OPHN1: variants seen among roughly 807,000 people sequenced by gnomAD.
OPHN1 encodes the protein oligophrenin 1.
Under a neutral mutation model 60.7 loss-of-function variants are expected in OPHN1, and 11 were observed. The observed-to-expected ratio is 0.18, with a 90% confidence interval of 0.11 to 0.30. OPHN1 has a LOEUF of 0.30. OPHN1 is among the 10% of genes least tolerant of loss of function. The probability of loss-of-function intolerance (pLI) is 1.00; values close to 1 mark genes in which losing one functional copy is unlikely to be tolerated. For missense variants in OPHN1, 449 were observed against 611.0 expected, an observed-to-expected ratio of 0.73 and a Z score of 2.80; for synonymous variants, 226 against 222.6, an observed-to-expected ratio of 1.02 and a Z score of -0.14.
intron 2 of OPHN1, among the ~76,000 whole-genome samples, chrX:68,397,714 G>C (rs1167343280): frequency 1.9e-5 from 2 of 107,226 alleles, no homozygotes; most frequent in Non-Finnish European, 3.8e-5. Flanking sequence ...GTAGGGACAG[G>C]GTTTCACCAC....
intron 15 of OPHN1, among the ~76,000 whole-genome samples, chrX:68,137,866 G>A (rs1196385334): frequency 3.6e-5 from 4 of 111,542 alleles, no homozygotes; most frequent in Non-Finnish European, 7.5e-5. Flanking sequence ...GTGCAGCATA[G>A]AAAGGTATAC....
intron 15 of OPHN1, among the ~76,000 whole-genome samples, chrX:68,181,741 T>C (rs1014599657): frequency 9.0e-6 from 1 of 111,641 alleles, no homozygotes; most frequent in African/African-American, 3.3e-5. Flanking sequence ...GGCAGGAGAA[T>C]TGCTTGAACC....
At chrX:68,215,115 G>T (rs1413287344) in intron 6 of OPHN1, among the ~76,000 whole-genome samples, 1 of 111,891 alleles carries the variant, frequency 8.9e-6, no homozygotes, top group Non-Finnish European at 1.9e-5. Context: ...GTAGCAGGCA[G>T]ATGAAAACTG....
intron 2 of OPHN1, among the ~76,000 whole-genome samples, chrX:68,366,448 C>T (rs779897657): frequency 1.2e-4 from 13 of 110,788 alleles, no homozygotes; most frequent in Non-Finnish European, 2.5e-4. Flanking sequence ...CCCACCTCAG[C>T]CTCCCAAGTA....
chrX:68,083,770 C>CT (rs781296030), intron 19 of OPHN1, among the ~76,000 whole-genome samples: 1 of 111,652 alleles, frequency 9.0e-6, no homozygotes, highest in Admixed American at 9.5e-5. Context: ...ACTTAGAGGC[C>CT]TTTGTCGGGT....
intron 20 of OPHN1, chrX:68,070,786 C>T (rs1201794879): frequency 3.5e-6 from 4 of 1,157,309 alleles, no homozygotes; most frequent in Non-Finnish European, 4.7e-6. Flanking sequence ...CTGCTTAGCC[C>T]AAGTGACAGT....
At chrX:68,377,096 ATT>A (rs35459211) in intron 2 of OPHN1, among the ~76,000 whole-genome samples, 126 of 83,503 alleles carry the variant, frequency 1.5e-3, no homozygotes, top group African/African-American at 4.3e-3. Context: ...CATGCAGCTA[ATT>A]TTTTTTTTTT....
At position 68,169,126 on chromosome X, in the gene OPHN1, T is replaced by C. The variant is rs182073148; in HGVS notation, c.1276+23793A>G. Among the ~76,000 whole-genome samples, 535 of 111,450 alleles carry C rather than the reference T, an allele frequency of 4.8e-3. 2 individuals carry two copies. Among genetic ancestry groups the C allele is most frequent in the Non-Finnish European group, 8.3e-3 (442 of 53,047 alleles). On this transcript the variant is annotated intron_variant, in intron 15 of 24. Coordinates refer to ENST00000355520, the MANE Select transcript of OPHN1 (RefSeq NM_002547.3). ...CTTGCAAAAATCACAAGCATTCTTA[T>C]ACACCAATAACAGACAAACAGAGAG...
chrX:68,406,483 G>A (rs1024491500), intron 2 of OPHN1, among the ~76,000 whole-genome samples: 1 of 109,780 alleles, frequency 9.1e-6, no homozygotes, highest in East Asian at 2.9e-4. Context: ...ATAGTGGCGG[G>A]CACCTGTAAT....
intron 2 of OPHN1, among the ~76,000 whole-genome samples, chrX:68,316,604 A>G (rs1311567702): frequency 9.0e-6 from 1 of 111,349 alleles, no homozygotes; most frequent in Non-Finnish European, 1.9e-5. Flanking sequence ...CCAGCCACGC[A>G]CATTACTTGG....
At chrX:68,244,896 GAAGTAA>G (rs1192115595) in intron 5 of OPHN1, among the ~76,000 whole-genome samples, 1 of 111,287 alleles carries the variant, frequency 9.0e-6, no homozygotes, top group East Asian at 2.8e-4. Context: ...CAAGCTAATA[GAAGTAA>G]AAGAAATGGA....
chrX:68,079,990 T>C (rs748487105), intron 19 of OPHN1, among the ~76,000 whole-genome samples: 2 of 111,740 alleles, frequency 1.8e-5, no homozygotes, highest in Non-Finnish European at 3.8e-5. Flanking sequence ...ATGATTATAA[T>C]AGTCTCCTAA....
intron 15 of OPHN1, among the ~76,000 whole-genome samples, chrX:68,188,935 C>T (rs967964123): frequency 9.0e-6 from 1 of 111,592 alleles, no homozygotes; most frequent in Admixed American, 9.6e-5. Context: ...CTGAGAAGTC[C>T]ACGTATCTTA....
intron 2 of OPHN1, among the ~76,000 whole-genome samples, chrX:68,358,927 C>A (rs897450526): frequency 8.9e-6 from 1 of 111,792 alleles, no homozygotes. Context: ...GCCAAAAGCC[C>A]CCAATGCTAG....
intron 5 of OPHN1, among the ~76,000 whole-genome samples, chrX:68,243,693 T>C (rs1292769761): frequency 1.8e-5 from 2 of 112,036 alleles, no homozygotes; most frequent in African/African-American, 3.2e-5. Flanking sequence ...TGGCCTGTTA[T>C]ATATATTTTA....
intron 2 of OPHN1, among the ~76,000 whole-genome samples, chrX:68,429,963 G>A (rs1050893062): frequency 9.0e-6 from 1 of 110,711 alleles, no homozygotes; most frequent in African/African-American, 3.3e-5. Context: ...TGAACCCAAG[G>A]GGCGATGGCT....
chrX:68,166,569 A>G (rs2077359311), intron 15 of OPHN1, among the ~76,000 whole-genome samples: 1 of 111,662 alleles, frequency 9.0e-6, no homozygotes, highest in African/African-American at 3.3e-5. Context: ...CTAAATGAGA[A>G]AATGAACAGA....
chrX:68,247,044 G>A (rs1040166459), intron 5 of OPHN1, among the ~76,000 whole-genome samples: 5 of 111,381 alleles, frequency 4.5e-5, no homozygotes, highest in African/African-American at 1.3e-4. Flanking sequence ...ATGGCAACGC[G>A]TACTTTGAAA....
chrX:68,150,941 GTCTC>G (rs751837418), intron 15 of OPHN1, among the ~76,000 whole-genome samples: 13 of 111,667 alleles, frequency 1.2e-4, no homozygotes, highest in East Asian at 2.8e-4. Context: ...AAATATACAT[GTCTC>G]TCTATCTCTC....
Sources: gnomAD v4.1 joint callset for allele counts (sites outside exome capture counted in the v4.1 genomes callset) on GRCh38, gnomAD v4.1.1 for gene constraint, MANE v1.5 for transcripts, NCBI Gene and HGNC (gene_info 2026-07-23, HGNC 2026-07-21) for gene names.